Variants in ABCA10 observed in about 807,000 individuals in gnomAD.
ABCA10 encodes the protein ATP-binding cassette sub-family A member 10.
ABCA10 carries 169 observed loss-of-function variants against 187.5 expected under a neutral mutation model. That is an observed-to-expected ratio of 0.90 (90% CI 0.80 to 1.02). The LOEUF (loss-of-function observed/expected upper bound fraction) is 1.02. Ranked by LOEUF, ABCA10 falls within the 50% of genes least tolerant of loss-of-function variation. The pLI, the probability that ABCA10 is intolerant of heterozygous loss-of-function variation, is 0.00. For synonymous variants in ABCA10, 574 were observed against 601.8 expected (o/e 0.95, Z 0.68); for missense variants, 1,727 against 1,812.4 (o/e 0.95, Z 0.86).
At chr17:69,202,825 G>T (rs965983342) in intron 9 of ABCA10, among the ~76,000 whole-genome samples, 8 of 152,050 alleles carry the variant, frequency 5.3e-5, no homozygotes, top group Non-Finnish European at 8.8e-5. Flanking sequence ...AAGAAGGAAA[G>T]AAAATAAATG....
chr17:69,171,994 G>A (rs1322594044), intron 25 of ABCA10, among the ~76,000 whole-genome samples: 1 of 140,168 alleles, frequency 7.1e-6, no homozygotes, highest in Non-Finnish European at 1.5e-5. Context: ...TAAAATCCAA[G>A]TATGAATAGT....
chr17:69,179,180 C>T (rs2074359258), intron 22 of ABCA10, among the ~76,000 whole-genome samples: 1 of 138,108 alleles, frequency 7.2e-6, no homozygotes, highest in Non-Finnish European at 1.6e-5. Flanking sequence ...AAAACTCCAT[C>T]TCAAAAAAAA....
rs745896096 is a variant in ABCA10, at chr17:69,222,627, C to T, written c.105G>A (p.Met35Ile). 16 of 1,601,724 alleles carry T rather than the reference C, an allele frequency of 1.0e-5. No homozygotes were observed. The highest frequency in any genetic ancestry group is 7.1e-5 in the Admixed American group (4 of 56,078). Reference protein sequence around the residue: ...DIELPKKYHEMVGVIFSDTFS... With the variant: ...DIELPKKYHEIVGVIFSDTFS... ...AAGTATCACTAAATATAACTCCCAC[C>T]ATTTCATGGTATTTTTTTGGAAGTT... The change falls in exon 4 of 39, where the codon ATG becomes ATA. Residue 35 changes from methionine (M) to isoleucine (I), a missense_variant. Coordinates refer to ENST00000690296, the MANE Select transcript of ABCA10 (RefSeq NM_001377321.1).
intron 9 of ABCA10, among the ~76,000 whole-genome samples, chr17:69,204,794 T>A (rs557595172): frequency 8.5e-4 from 129 of 152,348 alleles, no homozygotes; most frequent in African/African-American, 3.0e-3. Flanking sequence ...AACATTTACA[T>A]ATAATCTGGT....
intron 1 of ABCA10, among the ~76,000 whole-genome samples, chr17:69,238,506 G>A (rs1454655145): frequency 6.6e-6 from 1 of 152,150 alleles, no homozygotes; most frequent in Non-Finnish European, 1.5e-5. Context: ...GATTCTCTAT[G>A]AACTAGCTCT....
chr17:69,166,575 A>G (rs2074256443), intron 25 of ABCA10, among the ~76,000 whole-genome samples: 1 of 152,218 alleles, frequency 6.6e-6, no homozygotes, highest in Admixed American at 6.5e-5. Flanking sequence ...AGGCTTTAAT[A>G]CAATTTGAGA....
chr17:69,174,832 G>A (rs2074323002), intron 23 of ABCA10, 55 bp from the exon 24 acceptor site: 3 of 1,404,936 alleles, frequency 2.1e-6, no homozygotes, highest in Non-Finnish European at 1.9e-6. Flanking sequence ...AAGATTTTGT[G>A]GTTATGTAAA....
chr17:69,193,190 C>T lies in ABCA10; in HGVS notation c.1700G>A (p.Trp567Ter). The T allele has an allele frequency of 6.2e-7, 1 of 1,614,112 alleles. No individual in the cohort carries two copies. The highest frequency in any genetic ancestry group is 2.2e-5 in the East Asian group (1 of 44,870). Reference protein sequence around the residue: ...GLDPFSRHRVWSLLKEHKVDR... With the variant: ...GLDPFSRHRV ...TACTTTATGCTCCTTCAGGAGGCTC[C>T]ACACTCGGTGTCTTGAAAAGGGATC... The change falls in exon 15 of 39, where the codon TGG becomes TAG. Residue 567 changes from tryptophan (W) to a stop codon, truncating the protein, a stop_gained. Transcript: ENST00000690296. LOFTEE classifies it high-confidence loss of function.
intron 25 of ABCA10, among the ~76,000 whole-genome samples, chr17:69,166,534 C>G (rs1118165): frequency 1.3e-5 from 2 of 152,130 alleles, no homozygotes; most frequent in African/African-American, 4.8e-5. Context: ...ACTTTGAAAT[C>G]TCACATTGAT....
chr17:69,148,796 C>T lies in ABCA10; in HGVS notation c.*31G>A. ...TATGGAAACTAACAATGTAGTAGGA[C>T]CTAAAATTGAATGTTAGGAGGTTCT... On this transcript the variant is annotated 3_prime_UTR_variant, in exon 39 of 39. Coordinates refer to ENST00000690296, the MANE Select transcript of ABCA10 (RefSeq NM_001377321.1). 6.5e-7 allele frequency: 1 copy of T among 1,542,084 alleles called. No individual in the cohort carries two copies. Among genetic ancestry groups the T allele is most frequent in the Non-Finnish European group, 8.9e-7 (1 of 1,118,494 alleles).
intron 22 of ABCA10, among the ~76,000 whole-genome samples, chr17:69,179,214 A>G (rs559684340): frequency 6.6e-6 from 1 of 152,014 alleles, no homozygotes; most frequent in African/African-American, 2.4e-5. Flanking sequence ...ACAAACAAAA[A>G]AAAAACCTCT....
chr17:69,216,339 A>G lies in ABCA10; in HGVS notation c.550T>C (p.Tyr184His). The G allele has an allele frequency of 6.2e-7, 1 of 1,612,736 alleles. No individual in the cohort carries two copies. Among genetic ancestry groups the G allele is most frequent in the South Asian group, 1.1e-5 (1 of 90,732 alleles). Residue 184 changes from tyrosine to histidine, a missense_variant, in exon 7 of 39, where the codon TAC becomes CAC. Coordinates refer to ENST00000690296, the MANE Select transcript of ABCA10 (RefSeq NM_001377321.1). ...GACATAATGAAGATGAAGCAAATGT[A>G]TGTCAATCCCCAGGAGAGCCTATAG... is the stretch of plus-strand genomic sequence containing the variant. ...SAFWLSWGLT[Y>H]ICFIFIMSIF...
chr17:69,161,520 G>A (rs1481608554), intron 27 of ABCA10, among the ~76,000 whole-genome samples: 1 of 152,192 alleles, frequency 6.6e-6, no homozygotes, highest in African/African-American at 2.4e-5. Flanking sequence ...GAAGTATAAT[G>A]TGGTGGGATG....
intron 10 of ABCA10, among the ~76,000 whole-genome samples, chr17:69,201,174 T>C (rs1340318558): frequency 6.6e-6 from 1 of 152,170 alleles, no homozygotes; most frequent in East Asian, 1.9e-4. Flanking sequence ...GTGTATAATA[T>C]ATACTTATAT....
At chr17:69,214,985 G>A (rs985197540) in intron 8 of ABCA10, 134 bp from the exon 9 acceptor site, 3 of 555,310 alleles carry the variant, frequency 5.4e-6, no homozygotes, top group East Asian at 3.7e-5. Flanking sequence ...CATAGTAAAT[G>A]TGCTATTAGT....
intron 27 of ABCA10, among the ~76,000 whole-genome samples, chr17:69,158,582 T>C (rs984009518): frequency 1.3e-5 from 2 of 151,952 alleles, no homozygotes; most frequent in African/African-American, 4.8e-5. Context: ...TAAATGCAGA[T>C]AAACCTTTAA....
chr17:69,202,259 T>C (rs567160995), intron 9 of ABCA10, among the ~76,000 whole-genome samples: 1 of 152,294 alleles, frequency 6.6e-6, no homozygotes, highest in South Asian at 2.1e-4. Flanking sequence ...TCCAGACATT[T>C]GGATGCTAAA....
Position 69,148,028 on chromosome 17 carries a change from T to C in ABCA10, c.*799A>G, listed in dbSNP as rs573837258. On this transcript the variant is annotated 3_prime_UTR_variant, in exon 39 of 39. Transcript: ENST00000690296. ...TAAGAAAAGTCCATCAAAGTTTTAT[T>C]TCTAAGAAATAAACTTGCATATAAC... 5.3e-5 allele frequency: 8 copies of C among 152,266 alleles called. No homozygotes were observed. The East Asian group carries it at 1.5e-3, about 29-fold the overall frequency. 9.4% of individuals were successfully genotyped at this position (152,266 alleles called of 1,614,324 possible). A position where few individuals can be genotyped will look rare whatever the true frequency, so the allele number is the denominator to read the frequency against.
chr17:69,225,462 C>A lies in ABCA10; in HGVS notation c.-104G>T, dbSNP rs2074786641. ...GACTTTAGGAGGTTGTTCAGGAAAA[C>A]GGGTAGCTCTGAAGTGTTCCGAAAA... On this transcript the variant is annotated 5_prime_UTR_variant, in exon 3 of 39. Coordinates refer to ENST00000690296, the MANE Select transcript of ABCA10 (RefSeq NM_001377321.1). 21 of 1,200,968 alleles carry A rather than the reference C, an allele frequency of 1.7e-5. No homozygotes were observed. Among genetic ancestry groups the A allele is most frequent in the Non-Finnish European group, 2.4e-5 (20 of 823,030 alleles). 74.4% of individuals were successfully genotyped at this position (1,200,968 alleles called of 1,614,324 possible).
Sources: allele counts gnomAD v4.1 joint callset (sites outside exome capture counted in the v4.1 genomes callset), GRCh38; gene constraint gnomAD v4.1.1; transcripts MANE v1.5; gene names NCBI Gene and HGNC (gene_info 2026-07-23, HGNC 2026-07-21).